VPS29: variants seen among roughly 807,000 people sequenced by gnomAD.
The protein encoded by VPS29 is vacuolar protein sorting-associated protein 29.
In VPS29, 2 loss-of-function variants were observed where a neutral mutation model predicts 20.0. That is an observed-to-expected ratio of 0.10 (90% CI 0.04 to 0.31). The LOEUF (loss-of-function observed/expected upper bound fraction) is 0.31, where lower values mean the gene tolerates loss of function less well. VPS29 is among the 10% of genes least tolerant of loss of function. The pLI is 1.00. For missense variants in VPS29, 120 were observed against 215.3 expected, an observed-to-expected ratio of 0.56 and a Z score of 2.77; for synonymous variants, 81 against 79.3, an observed-to-expected ratio of 1.02 and a Z score of -0.12.
At chr12:110,497,968 C>T (rs1247211823) in intron 1 of VPS29, among the ~76,000 whole-genome samples, 2 of 149,662 alleles carry the variant, frequency 1.3e-5, no homozygotes, top group East Asian at 2.0e-4. Context: ...ACAACAGAAT[C>T]GATTTTTTTT....
Position 110,501,758 on chromosome 12 carries a change from C to G in VPS29, c.3+291G>C, listed in dbSNP as rs749276933. On this transcript the variant is annotated intron_variant, in intron 1 of 3. Transcript: ENST00000549578. Reference sequence around the variant, plus strand: ...ATAGGACCAAAGGCCTTCCCTGGCTCGGGCGTGCGTGTCTCGTGACAGGTC... The same window carrying G: ...ATAGGACCAAAGGCCTTCCCTGGCTGGGGCGTGCGTGTCTCGTGACAGGTC... The G allele has an allele frequency of 2.7e-5, 29 of 1,093,772 alleles. No individual in the cohort carries two copies. The South Asian group carries it at 3.8e-4, about 14-fold the overall frequency. The allele number at this position is 1,093,772 out of a possible 1,614,324, so 67.8% of individuals were successfully genotyped here. A position where few individuals can be genotyped will look rare whatever the true frequency, so the allele number is the denominator to read the frequency against.
At chr12:110,499,384 C>T (rs2135595487) in intron 1 of VPS29, 4 of 1,053,264 alleles carry the variant, frequency 3.8e-6, no homozygotes, top group Non-Finnish European at 5.3e-6. Flanking sequence ...CTGGAAATGG[C>T]AGTCTTATTA....
intron 1 of VPS29, among the ~76,000 whole-genome samples, chr12:110,498,399 TTTAATA>T (rs2062942587): frequency 6.6e-6 from 1 of 152,264 alleles, no homozygotes; most frequent in Non-Finnish European, 1.5e-5. Context: ...ATGACTATTC[TTTAATA>T]TTATCAAAGA....
rs1432714382 is a variant in VPS29, at chr12:110,502,085, G to A, written c.-34C>T. ...CGGGCTCCGCTCAGTCACCACCACC[G>A]TCGCCGCCCTCTTCCTCAGGCTCCT... On this transcript the variant is annotated 5_prime_UTR_variant, in exon 1 of 4. The change creates a new upstream start codon in the 5' untranslated region. Coordinates refer to ENST00000549578, the MANE Select transcript of VPS29 (RefSeq NM_016226.5). 6.2e-7 allele frequency: 1 copy of A among 1,604,170 alleles called. No individual in the cohort carries two copies. The highest frequency in any genetic ancestry group is 8.5e-7 in the Non-Finnish European group (1 of 1,174,516).
intron 1 of VPS29, among the ~76,000 whole-genome samples, chr12:110,497,529 T>G (rs2062927977): frequency 6.6e-6 from 1 of 151,932 alleles, no homozygotes; most frequent in Non-Finnish European, 1.5e-5. Context: ...ATTTAAAAAT[T>G]TCAAGATTTG....
chr12:110,499,087 T>G (rs2062953300), intron 1 of VPS29: 1 of 156,120 alleles, frequency 6.4e-6, no homozygotes, highest in Admixed American at 6.3e-5. Flanking sequence ...CATGGTACTT[T>G]ATAATGATTG....
intron 3 of VPS29, among the ~76,000 whole-genome samples, chr12:110,492,415 CAAG>C (rs2062830514): frequency 6.6e-6 from 1 of 151,876 alleles, no homozygotes; most frequent in Non-Finnish European, 1.5e-5. Flanking sequence ...ACTAAAAATA[CAAG>C]AATTAGCCAG....
intron 1 of VPS29, 49 bp downstream of exon 1, chr12:110,502,000 G>T: frequency 6.2e-7 from 1 of 1,612,932 alleles, no homozygotes. Flanking sequence ...CAACAACGCA[G>T]CACCCCACCC....
rs751662191 is a variant in VPS29, at chr12:110,492,137, A to G, written c.432-15T>C. On this transcript the variant is annotated splice_polypyrimidine_tract_variant and intron_variant, in intron 3 of 3. Coordinates refer to ENST00000549578, the MANE Select transcript of VPS29 (RefSeq NM_016226.5). The stretch of plus-strand genomic sequence containing the variant: ...GAATAATGTTTCTAGAAGAAAAAAT[A>G]AATAATGTCAGTGTTTTGTAGCACA... 6.4e-7 allele frequency: 1 copy of G among 1,571,876 alleles called. No individual in the cohort carries two copies. Among genetic ancestry groups the G allele is most frequent in the South Asian group, 1.1e-5 (1 of 89,210 alleles).
chr12:110,501,629 T>C, intron 1 of VPS29: 1 of 1,534,012 alleles, frequency 6.5e-7, no homozygotes, highest in Non-Finnish European at 8.7e-7. Context: ...AGAGGCCAGC[T>C]TCCACCACTA....
Position 110,493,053 on chromosome 12 carries a change from T to G in VPS29, c.374A>C (p.Glu125Ala), listed in dbSNP as rs1049227220. Residue 125 changes from glutamate (E) to alanine (A), a missense_variant, in exon 3 of 4, where the codon GAA (glutamate) becomes GCA (alanine). Transcript: ENST00000549578. ...HTHKFEAFEH[E>A]NKFYINPGSA... ...ACCTGGATTAATGTAGAATTTATTT[T>G]CATGCTCAAATGCTTCAAATTTGTG... is the stretch of plus-strand genomic sequence containing the variant. 3 of 1,614,116 alleles carry G rather than the reference T, an allele frequency of 1.9e-6. No individual in the cohort carries two copies. The highest frequency in any genetic ancestry group is 2.5e-6 in the Non-Finnish European group (3 of 1,180,014).
chr12:110,500,752 ATTTTTTTT>A (rs60375403), intron 1 of VPS29, among the ~76,000 whole-genome samples: 1 of 144,874 alleles, frequency 6.9e-6, no homozygotes, highest in Non-Finnish European at 1.5e-5. Flanking sequence ...CAAACAATTG[ATTTTTTTT>A]TTTTTTTTGA....
intron 2 of VPS29, among the ~76,000 whole-genome samples, chr12:110,494,089 G>A (rs918295929): frequency 2.6e-5 from 4 of 151,820 alleles, no homozygotes; most frequent in South Asian, 2.1e-4. Flanking sequence ...TCATCTCCCC[G>A]TCTTTCACCT....
intron 1 of VPS29, among the ~76,000 whole-genome samples, chr12:110,501,078 G>GGCTGAGGCAGGA (rs1193181719): frequency 6.6e-6 from 1 of 152,142 alleles, no homozygotes; most frequent in Non-Finnish European, 1.5e-5. Context: ...CTACTCGGGA[G>GGCTGAGGCAGGA]GCTGAGGCAG....
chr12:110,500,369 C>T (rs2062987520), intron 1 of VPS29, among the ~76,000 whole-genome samples: 1 of 152,170 alleles, frequency 6.6e-6, no homozygotes, highest in Non-Finnish European at 1.5e-5. Context: ...TAAGAGGGAT[C>T]ACTTCTCAAA....
At chr12:110,495,417 CTT>C (rs1375157923) in intron 2 of VPS29, among the ~76,000 whole-genome samples, 1 of 152,018 alleles carries the variant, frequency 6.6e-6, no homozygotes, top group South Asian at 2.1e-4. Context: ...ATAATAAAAA[CTT>C]TATAAACTTG....
intron 1 of VPS29, among the ~76,000 whole-genome samples, chr12:110,500,459 G>C (rs1479506511): frequency 6.6e-6 from 1 of 152,138 alleles, no homozygotes; most frequent in South Asian, 2.1e-4. Flanking sequence ...CGAAATTACT[G>C]TAAACGGATT....
Position 110,491,402 on chromosome 12 carries a change from T to G in VPS29, c.*603A>C, listed in dbSNP as rs931257834. 6.6e-6 allele frequency: 1 copy of G among 152,308 alleles called. No homozygotes were observed. Among genetic ancestry groups the G allele is most frequent in the African/African-American group, 2.4e-5 (1 of 41,430 alleles). 9.4% of individuals were successfully genotyped at this position (152,308 alleles called of 1,614,324 possible). A position where few individuals can be genotyped will look rare whatever the true frequency, so the allele number is the denominator to read the frequency against. On this transcript the variant is annotated 3_prime_UTR_variant, in exon 4 of 4. Coordinates refer to ENST00000549578, the MANE Select transcript of VPS29 (RefSeq NM_016226.5). ...CCTAAACTTGTATTTTTAAAACTTTTATTAAACCTTGAAAAATGGAAATAG... is the reference window on the plus strand; with the variant it reads ...CCTAAACTTGTATTTTTAAAACTTTGATTAAACCTTGAAAAATGGAAATAG...
intron 2 of VPS29, among the ~76,000 whole-genome samples, chr12:110,494,605 T>C (rs1465059826): frequency 1.3e-5 from 2 of 151,946 alleles, no homozygotes; most frequent in African/African-American, 4.8e-5. Flanking sequence ...CACCATACAA[T>C]GTTGGCACTG....
Sources: gnomAD v4.1 joint callset for allele counts (sites outside exome capture counted in the v4.1 genomes callset) on GRCh38, gnomAD v4.1.1 for gene constraint, MANE v1.5 for transcripts, NCBI Gene and HGNC (gene_info 2026-07-23, HGNC 2026-07-21) for gene names.